KIAA1549: variants seen among roughly 807,000 people sequenced by gnomAD.
The protein encoded by KIAA1549 is KIAA1549.
Under a neutral mutation model 156.4 loss-of-function variants are expected in KIAA1549, and 70 were observed. That is an observed-to-expected ratio of 0.45 (90% CI 0.37 to 0.55). The LOEUF is 0.55. Ranked by LOEUF, KIAA1549 falls within the 20% of genes least tolerant of loss-of-function variation. The probability of loss-of-function intolerance (pLI) is 0.00; values close to 1 mark genes in which losing one functional copy is unlikely to be tolerated. For missense variants in KIAA1549, 2,428 were observed against 2,540.9 expected, an observed-to-expected ratio of 0.96 and a Z score of 0.96; for synonymous variants, 1,103 against 1,066.4, an observed-to-expected ratio of 1.03 and a Z score of -0.67.
At chr7:138,958,952 T>A (rs1288542144) in intron 1 of KIAA1549, among the ~76,000 whole-genome samples, 2 of 152,050 alleles carry the variant, frequency 1.3e-5, no homozygotes, top group Non-Finnish European at 2.9e-5. Flanking sequence ...CAGGCTGGAG[T>A]GCAGTGGCAC....
intron 13 of KIAA1549, 111 bp downstream of exon 13, chr7:138,871,046 A>T: frequency 1.0e-6 from 1 of 978,978 alleles, no homozygotes; most frequent in South Asian, 1.5e-5. Flanking sequence ...CAAACTCCCG[A>T]CCTCAGGCGA....
intron 2 of KIAA1549, among the ~76,000 whole-genome samples, chr7:138,913,450 A>G (rs937452024): frequency 2.6e-5 from 4 of 152,174 alleles, no homozygotes; most frequent in Non-Finnish European, 5.9e-5. Flanking sequence ...CCTGTCTCTC[A>G]GTATTTAGTA....
intron 5 of KIAA1549, among the ~76,000 whole-genome samples, chr7:138,908,112 C>G (rs1418745352): frequency 6.6e-6 from 1 of 152,094 alleles, no homozygotes; most frequent in African/African-American, 2.4e-5. Flanking sequence ...GCTGTGCCAG[C>G]TACTAAAATG....
At position 138,906,999 on chromosome 7, in the gene KIAA1549, T is replaced by A; in HGVS notation, c.3380A>T (p.Glu1127Val). Reference sequence around the variant, plus strand: ...CAAGTTTCTGAGCAGCTCGCTCACTTCCGACCCATTCAAAAATCCCTGTGT... The same window carrying A: ...CAAGTTTCTGAGCAGCTCGCTCACTACCGACCCATTCAAAAATCCCTGTGT... ...KSTQGFLNGSEVSELLRNLSV... is the reference protein window; with the variant it reads ...KSTQGFLNGSVVSELLRNLSV... The change falls in exon 6 of 20, where the codon GAA becomes GTA. Residue 1127 changes from glutamate (E) to valine (V), a missense_variant. Coordinates refer to ENST00000422774, the MANE Select transcript of KIAA1549 (RefSeq NM_001164665.2). 6.2e-7 allele frequency: 1 copy of A among 1,613,626 alleles called. No homozygotes were observed. The highest frequency in any genetic ancestry group is 2.2e-5 in the East Asian group (1 of 44,878).
At position 138,904,224 on chromosome 7, in the gene KIAA1549, T is replaced by G. The variant is rs938063124; in HGVS notation, c.3521-488A>C. Reference sequence around the variant, plus strand: ...GTTATCTATTTCAGACAAGATGATCTCAACAGACAATCACTTGCCAGTGTG... The same window carrying G: ...GTTATCTATTTCAGACAAGATGATCGCAACAGACAATCACTTGCCAGTGTG... On this transcript the variant is annotated intron_variant, in intron 7 of 19. Transcript: ENST00000422774. Among the ~76,000 whole-genome samples the G allele has an allele frequency of 3.3e-5, 5 of 152,342 alleles. No homozygotes were observed. The East Asian group carries it at 9.6e-4, about 29-fold the overall frequency.
Position 138,917,492 on chromosome 7 carries a change from T to G in KIAA1549, c.2134A>C (p.Ser712Arg). Residue 712 changes from serine (S) to arginine (R), a missense_variant, in exon 2 of 20, where the codon AGC becomes CGC. Ser to Arg is a moderately radical substitution (Grantham distance 110). Coordinates refer to ENST00000422774, the MANE Select transcript of KIAA1549 (RefSeq NM_001164665.2). ...GACCATGGTGACACCTCAGAACGGC[T>G]AGGTAGCAACATGATGGTGTTTAAA... ...LPLNTIMLLP[S>R]RSEVSPWSSF... is the part of the protein sequence containing the mutation. 6.2e-7 allele frequency: 1 copy of G among 1,613,666 alleles called. No individual in the cohort carries two copies. The highest frequency in any genetic ancestry group is 8.5e-7 in the Non-Finnish European group (1 of 1,179,828).
At chr7:138,849,227 T>G (rs931413315) in intron 17 of KIAA1549, among the ~76,000 whole-genome samples, 1 of 152,050 alleles carries the variant, frequency 6.6e-6, no homozygotes, top group African/African-American at 2.4e-5. Flanking sequence ...CTTAATGTGG[T>G]ATTTATTTTC....
Position 138,832,117 on chromosome 7 carries a change from A to G in KIAA1549, c.*5789T>C. ...TTCGTGATGCTCCAAGTAGCCCAGA[A>G]AGGTTCTGTGTAATCAGGGACTGCA... On this transcript the variant is annotated 3_prime_UTR_variant, in exon 20 of 20. Transcript: ENST00000422774. The G allele has an allele frequency of 4.4e-6, 1 of 228,984 alleles. No homozygotes were observed. Among genetic ancestry groups the G allele is most frequent in the Non-Finnish European group, 8.7e-6 (1 of 115,546 alleles). The allele number at this position is 228,984 out of a possible 1,614,324, so 14.2% of individuals were successfully genotyped here. A position where few individuals can be genotyped will look rare whatever the true frequency, so the allele number is the denominator to read the frequency against.
chr7:138,881,557 C>T lies in KIAA1549; in HGVS notation c.4060G>A (p.Asp1354Asn). 6.2e-7 allele frequency: 1 copy of T among 1,613,620 alleles called. No individual in the cohort carries two copies. ...TGACCCAGATGCTGCTTAGCAAAAT[C>T]GAAGCCCTTCACACTAGGGATCTGC... Reference protein sequence around the residue: ...KLQIPSVKGFDFAKQHLGQHN... With the variant: ...KLQIPSVKGFNFAKQHLGQHN... Residue 1354 changes from aspartate (D) to asparagine (N), a missense_variant, in exon 11 of 20, where the codon GAT becomes AAT. Coordinates refer to ENST00000422774, the MANE Select transcript of KIAA1549 (RefSeq NM_001164665.2).
intron 1 of KIAA1549, among the ~76,000 whole-genome samples, chr7:138,980,069 G>A (rs1425558150): frequency 6.6e-6 from 1 of 152,228 alleles, no homozygotes; most frequent in Non-Finnish European, 1.5e-5. Flanking sequence ...CAGCCACTGA[G>A]TAGCCCTTTG....
chr7:138,851,456 G>T (rs1810229345), intron 17 of KIAA1549, among the ~76,000 whole-genome samples: 1 of 151,734 alleles, frequency 6.6e-6, no homozygotes, highest in South Asian at 2.1e-4. Context: ...TAGAATCTGT[G>T]TCTGATAACT....
At position 138,834,923 on chromosome 7, in the gene KIAA1549, A is replaced by G. The variant is rs956221303; in HGVS notation, c.*2983T>C. The G allele has an allele frequency of 1.5e-4, 35 of 226,986 alleles. No individual in the cohort carries two copies. Among genetic ancestry groups the G allele is most frequent in the Non-Finnish European group, 2.4e-4 (27 of 114,432 alleles). The allele number at this position is 226,986 out of a possible 1,614,324, so 14.1% of individuals were successfully genotyped here. A position where few individuals can be genotyped will look rare whatever the true frequency, so the allele number is the denominator to read the frequency against. On this transcript the variant is annotated 3_prime_UTR_variant, in exon 20 of 20. Coordinates refer to ENST00000422774, the MANE Select transcript of KIAA1549 (RefSeq NM_001164665.2). The stretch of plus-strand genomic sequence containing the variant: ...CTTGTTTGGCTTATGGGGAGAATGA[A>G]GTTCAGAGAAGGAACCAGACATGGT...
chr7:138,872,391 A>C (rs1311416743), intron 12 of KIAA1549, among the ~76,000 whole-genome samples: 1 of 151,868 alleles, frequency 6.6e-6, no homozygotes, highest in Non-Finnish European at 1.5e-5. Context: ...CAAATGCACA[A>C]AAAAAAAGAC....
chr7:138,934,309 G>C (rs985081944), intron 1 of KIAA1549, among the ~76,000 whole-genome samples: 1 of 151,758 alleles, frequency 6.6e-6, no homozygotes, highest in African/African-American at 2.4e-5. Flanking sequence ...GACAGACTGA[G>C]AGAGTGAGTC....
At chr7:138,864,554 G>A (rs1361025387) in intron 15 of KIAA1549, among the ~76,000 whole-genome samples, 2 of 152,216 alleles carry the variant, frequency 1.3e-5, no homozygotes, top group Admixed American at 6.5e-5. Flanking sequence ...GACTATAGAT[G>A]TTTCACACAT....
chr7:138,860,816 C>T (rs1489168380), intron 16 of KIAA1549, among the ~76,000 whole-genome samples: 1 of 152,146 alleles, frequency 6.6e-6, no homozygotes, highest in Non-Finnish European at 1.5e-5. Flanking sequence ...TGACGGTTAC[C>T]CCACCTCCAT....
chr7:138,849,791 A>G (rs1297534642), intron 17 of KIAA1549, among the ~76,000 whole-genome samples: 1 of 151,916 alleles, frequency 6.6e-6, no homozygotes, highest in Non-Finnish European at 1.5e-5. Flanking sequence ...TTTAGCCCCC[A>G]CTTATAAGTG....
chr7:138,860,753 C>T (rs1177214928), intron 16 of KIAA1549, among the ~76,000 whole-genome samples: 1 of 152,220 alleles, frequency 6.6e-6, no homozygotes. Flanking sequence ...AACTCAACAA[C>T]TTGGATACAT....
intron 1 of KIAA1549, among the ~76,000 whole-genome samples, chr7:138,952,084 G>A (rs957333277): frequency 2.6e-5 from 4 of 152,134 alleles, no homozygotes; most frequent in East Asian, 3.9e-4. Flanking sequence ...GTGAACGCAC[G>A]GAAGGCACTA....
Sources: gnomAD v4.1 joint callset for allele counts (sites outside exome capture counted in the v4.1 genomes callset) on GRCh38, gnomAD v4.1.1 for gene constraint, MANE v1.5 for transcripts, NCBI Gene and HGNC (gene_info 2026-07-23, HGNC 2026-07-21) for gene names.